CNTN5: variants seen among roughly 807,000 people sequenced by gnomAD.
CNTN5 encodes contactin-5.
Under a neutral mutation model 129.1 loss-of-function variants are expected in CNTN5, and 77 were observed. That is an observed-to-expected ratio of 0.60 (90% CI 0.50 to 0.72). The LOEUF is 0.72. Among genes scored for constraint, CNTN5 ranks in the 30% least tolerant of loss-of-function variants. The pLI, the probability that CNTN5 is intolerant of heterozygous loss-of-function variation, is 0.00. For synonymous variants in CNTN5, 509 were observed against 465.6 expected (o/e 1.09, Z -1.20); for missense variants, 1,478 against 1,328.8 (o/e 1.11, Z -1.75).
chr11:99,717,917 C>A (rs190111268), intron 3 of CNTN5, among the ~76,000 whole-genome samples: 7 of 152,088 alleles, frequency 4.6e-5, no homozygotes, highest in African/African-American at 1.7e-4. Context: ...TGCATAGATC[C>A]AACTCAGCCA....
intron 1 of CNTN5, among the ~76,000 whole-genome samples, chr11:99,066,109 T>C (rs2135230375): frequency 6.6e-6 from 1 of 152,264 alleles, no homozygotes; most frequent in Non-Finnish European, 1.5e-5. Flanking sequence ...CTAGTATTTA[T>C]CCTTTTTGTT....
intron 2 of CNTN5, among the ~76,000 whole-genome samples, chr11:99,440,423 T>G (rs1049300165): frequency 9.9e-5 from 15 of 151,608 alleles, no homozygotes; most frequent in Non-Finnish European, 2.2e-4. Flanking sequence ...ATTATATATA[T>G]AAAAATATTA....
chr11:99,647,420 A>T (rs1238453855), intron 3 of CNTN5, among the ~76,000 whole-genome samples: 1 of 151,880 alleles, frequency 6.6e-6, no homozygotes, highest in East Asian at 1.9e-4. Flanking sequence ...TGCCAGTAGT[A>T]TGCTGTTTTG....
chr11:99,219,677 A>AG (rs397701877), intron 1 of CNTN5, among the ~76,000 whole-genome samples: 1 of 151,010 alleles, frequency 6.6e-6, no homozygotes, highest in Non-Finnish European at 1.5e-5. Context: ...AAAAAAAAAA[A>AG]CTATTGCAGG....
chr11:99,686,417 T>C (rs1953796958), intron 3 of CNTN5, among the ~76,000 whole-genome samples: 1 of 152,118 alleles, frequency 6.6e-6, no homozygotes, highest in African/African-American at 2.4e-5. Flanking sequence ...TGCTTCCTTT[T>C]ATTTTCTATA....
intron 13 of CNTN5, among the ~76,000 whole-genome samples, chr11:100,184,108 C>T (rs1948223451): frequency 6.6e-6 from 1 of 152,154 alleles, no homozygotes; most frequent in Admixed American, 6.5e-5. Context: ...GTAAATAGCT[C>T]AGGTTTCTGT....
chr11:99,282,949 T>G (rs557999452), intron 1 of CNTN5, among the ~76,000 whole-genome samples: 2 of 152,164 alleles, frequency 1.3e-5, no homozygotes, highest in Admixed American at 6.6e-5. Flanking sequence ...GGCTCATTTT[T>G]TTTTCCTAAA....
intron 3 of CNTN5, among the ~76,000 whole-genome samples, chr11:99,738,552 T>C (rs1409515226): frequency 6.6e-6 from 1 of 151,240 alleles, no homozygotes; most frequent in African/African-American, 2.4e-5. Flanking sequence ...AGGAAAGTGC[T>C]GAAAGCAGAA....
At chr11:100,028,457 A>T (rs1293799595) in intron 9 of CNTN5, among the ~76,000 whole-genome samples, 1 of 152,192 alleles carries the variant, frequency 6.6e-6, no homozygotes, top group Non-Finnish European at 1.5e-5. Context: ...GACTCAATAC[A>T]TGAAGACCTG....
At chr11:99,870,072 T>G (rs1222442979) in intron 6 of CNTN5, among the ~76,000 whole-genome samples, 1 of 152,176 alleles carries the variant, frequency 6.6e-6, no homozygotes. Flanking sequence ...CTAGTGGAAC[T>G]GGGAATAGCA....
intron 9 of CNTN5, among the ~76,000 whole-genome samples, chr11:100,052,030 C>T (rs530915266): frequency 1.5e-4 from 23 of 151,916 alleles, no homozygotes; most frequent in African/African-American, 4.3e-4. Flanking sequence ...AATTATATAA[C>T]GTGGCCAACC....
intron 1 of CNTN5, among the ~76,000 whole-genome samples, chr11:99,273,104 G>A (rs1326143120): frequency 6.6e-6 from 1 of 151,738 alleles, no homozygotes; most frequent in African/African-American, 2.4e-5. Context: ...AAAGAAAAAT[G>A]AGTAAGGAAA....
chr11:99,917,142 C>T (rs1949811983), intron 7 of CNTN5, among the ~76,000 whole-genome samples: 1 of 151,950 alleles, frequency 6.6e-6, no homozygotes. Context: ...TGCTGCATAT[C>T]AACAGGGACA....
chr11:99,710,213 T>C (rs1194369807), intron 3 of CNTN5, among the ~76,000 whole-genome samples: 4 of 151,768 alleles, frequency 2.6e-5, no homozygotes, highest in Admixed American at 2.0e-4. Context: ...ACCGCTGTTG[T>C]TGTATTTATC....
At chr11:100,036,525 G>A (rs1409640084) in intron 9 of CNTN5, among the ~76,000 whole-genome samples, 2 of 146,604 alleles carry the variant, frequency 1.4e-5, no homozygotes, top group African/African-American at 4.9e-5. Context: ...GTAGCTTGAT[G>A]GGGATGGCAT....
intron 6 of CNTN5, 80 bp downstream of exon 6, chr11:99,845,342 A>G (rs1947652445): frequency 1.4e-6 from 1 of 700,518 alleles, no homozygotes; most frequent in Non-Finnish European, 2.1e-6. Context: ...TTAGTTCAGG[A>G]AAGAAAAGCC....
chr11:99,202,935 GAC>G (rs1859283457), intron 1 of CNTN5, among the ~76,000 whole-genome samples: 1 of 151,452 alleles, frequency 6.6e-6, no homozygotes, highest in South Asian at 2.1e-4. Flanking sequence ...AGAAAAGAGA[GAC>G]AATAAGTGAG....
At chr11:99,799,049 G>C (rs1266411970) in intron 3 of CNTN5, among the ~76,000 whole-genome samples, 4 of 151,874 alleles carry the variant, frequency 2.6e-5, no homozygotes, top group East Asian at 1.9e-4. Context: ...TTATGTTCTT[G>C]TTATGGTCTT....
chr11:100,038,038 T>C (rs1942134150), intron 9 of CNTN5, among the ~76,000 whole-genome samples: 1 of 151,886 alleles, frequency 6.6e-6, no homozygotes, highest in Admixed American at 6.5e-5. Flanking sequence ...CTTGCTTTTC[T>C]AGTTCTTTTA....
Sources: gnomAD v4.1 joint callset for allele counts (sites outside exome capture counted in the v4.1 genomes callset) on GRCh38, gnomAD v4.1.1 for gene constraint, MANE v1.5 for transcripts, NCBI Gene and HGNC (gene_info 2026-07-23, HGNC 2026-07-21) for gene names.